KNL1: variants seen among roughly 807,000 people sequenced by gnomAD.
KNL1 encodes outer kinetochore KNL1 complex subunit KNL1.
KNL1 carries 66 observed loss-of-function variants against 201.3 expected under a neutral mutation model. That is an observed-to-expected ratio of 0.33 (90% CI 0.27 to 0.40). The LOEUF is 0.40. KNL1 is among the 10% of genes least tolerant of loss of function. KNL1 has a pLI of 1.00. For missense variants in KNL1, 2,815 were observed against 2,690.5 expected (o/e 1.05, Z -1.02); for synonymous variants, 895 against 899.2 (o/e 1.00, Z 0.08).
chr15:40,662,192 C>T lies in KNL1; in HGVS notation c.*4C>T. On this transcript the variant is annotated 3_prime_UTR_variant, in exon 26 of 26. Transcript: ENST00000399668. ...GGACTGCCATTTCTACCACTAGACC[C>T]TTGGACCACCATTGGAACAACCAAG... is the stretch of plus-strand genomic sequence containing the variant. 1 of 1,476,660 alleles carries T rather than the reference C, an allele frequency of 6.8e-7. No homozygotes were observed. The highest frequency in any genetic ancestry group is 9.5e-7 in the Non-Finnish European group (1 of 1,055,022). 91.5% of individuals were successfully genotyped at this position (1,476,660 alleles called of 1,614,324 possible). A position where few individuals can be genotyped will look rare whatever the true frequency, so the allele number is the denominator to read the frequency against.
chr15:40,621,796 C>T lies in KNL1; in HGVS notation c.1532C>T (p.Ala511Val). The T allele has an allele frequency of 6.2e-7, 1 of 1,613,718 alleles. No individual in the cohort carries two copies. Among genetic ancestry groups the T allele is most frequent in the Non-Finnish European group, 8.5e-7 (1 of 1,179,698 alleles). Residue 511 changes from alanine to valine, a missense_variant, in exon 10 of 26, where the codon GCA becomes GTA. Ala to Val is a moderately conservative substitution (Grantham distance 64). This residue lies in a region of KNL1 where 2,464 missense variants were observed against 2,291.7 expected (regional missense o/e 1.08). Coordinates refer to ENST00000399668, the MANE Select transcript of KNL1 (RefSeq NM_144508.5). Reference protein sequence around the residue: ...QDQSNVQIAAAPTPEKEMMLQ... With the variant: ...QDQSNVQIAAVPTPEKEMMLQ... The stretch of plus-strand genomic sequence containing the variant: ...CAATCAAATGTGCAAATAGCAGCTG[C>T]ACCAACACCCGAAAAAGAAATGATG...
Sources: allele counts gnomAD v4.1 joint callset, GRCh38; gene constraint gnomAD v4.1.1; regional missense constraint gnomAD v4.1.1; transcripts MANE v1.5; gene names NCBI Gene and HGNC (gene_info 2026-07-23, HGNC 2026-07-21).